Variants in FBXO11 observed in about 807,000 individuals in gnomAD.
FBXO11 encodes F-box protein 11, also known as F-box only protein 11.
FBXO11 carries 13 observed loss-of-function variants against 117.0 expected under a neutral mutation model. The ratio of observed to expected loss-of-function variants is 0.11; its 90% CI spans 0.07 to 0.18. The LOEUF (loss-of-function observed/expected upper bound fraction) is 0.18, where lower values mean the gene tolerates loss of function less well. Among genes scored for constraint, FBXO11 ranks in the 10% least tolerant of loss-of-function variants. The pLI is 1.00. For synonymous variants in FBXO11, 490 were observed against 380.5 expected (o/e 1.29, Z -3.35); for missense variants, 767 against 1,164.4 (o/e 0.66, Z 4.97).
chr2:47,901,853 A>T (rs1287785554), intron 1 of FBXO11, among the ~76,000 whole-genome samples: 1 of 152,220 alleles, frequency 6.6e-6, no homozygotes, highest in Non-Finnish European at 1.5e-5. Flanking sequence ...GAATTTTAAA[A>T]CAAAACAAAT....
chr2:47,883,556 A>G (rs1676590945), intron 1 of FBXO11: 7 of 361,358 alleles, frequency 1.9e-5, no homozygotes, highest in South Asian at 1.7e-4. Context: ...AGGATAAGGA[A>G]GAAATTCGTC....
chr2:47,897,849 C>G (rs1347151509), intron 1 of FBXO11, among the ~76,000 whole-genome samples: 1 of 151,488 alleles, frequency 6.6e-6, no homozygotes, highest in African/African-American at 2.4e-5. Flanking sequence ...AGAAAAATAA[C>G]TAAAAGTACA....
At chr2:47,856,177 G>A (rs778496857) in intron 1 of FBXO11, among the ~76,000 whole-genome samples, 1 of 151,992 alleles carries the variant, frequency 6.6e-6, no homozygotes, top group Admixed American at 6.6e-5. Context: ...TACAACAAAG[G>A]ACACAGTGAT....
At chr2:47,833,259 T>C (rs1359679827) in intron 7 of FBXO11, among the ~76,000 whole-genome samples, 189 bp from the exon 8 acceptor site, 2 of 152,202 alleles carry the variant, frequency 1.3e-5, no homozygotes, top group Admixed American at 1.3e-4. Context: ...TCTAATAACA[T>C]TTAACTATAA....
At chr2:47,846,953 G>T (rs1028491383) in intron 1 of FBXO11, among the ~76,000 whole-genome samples, 2 of 152,074 alleles carry the variant, frequency 1.3e-5, no homozygotes, top group Non-Finnish European at 2.9e-5. Context: ...ACAAGAATAC[G>T]TTCTGAGAAG....
At chr2:47,846,530 G>C (rs567034686) in intron 1 of FBXO11, among the ~76,000 whole-genome samples, 2 of 152,126 alleles carry the variant, frequency 1.3e-5, no homozygotes, top group East Asian at 1.9e-4. Context: ...TTATGCCAAT[G>C]ATTGTCAAGT....
chr2:47,809,517 AAGGAATC>A lies in FBXO11; in HGVS notation c.2446+76_2446+82del. ...CTGTTGCTAACTTGGAGAGTGACAT[AAGGAATC>A]AAGTTATAAAACGGCTTCTGATTAT... On this transcript the variant is annotated intron_variant, in intron 20 of 22. Transcript: ENST00000403359. The A allele has an allele frequency of 3.0e-6, 3 of 984,184 alleles. No homozygotes were observed. The East Asian group carries it at 7.2e-5, about 24-fold the overall frequency. 61.0% of individuals were successfully genotyped at this position (984,184 alleles called of 1,614,324 possible).
chr2:47,904,721 G>A (rs962328725), intron 1 of FBXO11, among the ~76,000 whole-genome samples: 1 of 152,144 alleles, frequency 6.6e-6, no homozygotes, highest in East Asian at 1.9e-4. Context: ...GGGAGGACAG[G>A]CGAGGGGGTG....
intron 14 of FBXO11, among the ~76,000 whole-genome samples, 167 bp downstream of exon 14, chr2:47,820,195 G>A (rs1424008778): frequency 1.3e-5 from 2 of 152,150 alleles, no homozygotes; most frequent in Non-Finnish European, 2.9e-5. Flanking sequence ...AAATCATTAA[G>A]ATACTGGCAG....
chr2:47,835,385 G>T (rs1338790329), intron 5 of FBXO11, among the ~76,000 whole-genome samples: 1 of 152,162 alleles, frequency 6.6e-6, no homozygotes, highest in Non-Finnish European at 1.5e-5. Flanking sequence ...AATCACAACT[G>T]CTCTTAGGCT....
chr2:47,821,732 G>A (rs1020762583), intron 13 of FBXO11, among the ~76,000 whole-genome samples: 7 of 152,082 alleles, frequency 4.6e-5, no homozygotes, highest in African/African-American at 1.7e-4. Context: ...TTGCTGTGAG[G>A]TGAGATTGTG....
At position 47,855,307 on chromosome 2, in the gene FBXO11, C is replaced by G. The variant is rs1034835334; in HGVS notation, c.233-15538G>C. On this transcript the variant is annotated intron_variant, in intron 1 of 22. Transcript: ENST00000403359. ...CCTCGACTTCTGGAGCTCAAGTGAT[C>G]CTCCCACACCTCAGCCTCCTTAAGT... Among the ~76,000 whole-genome samples, 24 of 151,798 alleles carry G rather than the reference C, an allele frequency of 1.6e-4. 1 individual carries two copies. Among genetic ancestry groups the G allele is most frequent in the South Asian group, 2.1e-4 (1 of 4,818 alleles).
At position 47,889,123 on chromosome 2, in the gene FBXO11, CCATAA is replaced by C. The variant is rs902798660; in HGVS notation, c.232+16361_232+16365del. Among the ~76,000 whole-genome samples the C allele has an allele frequency of 2.8e-4, 43 of 152,088 alleles. 1 individual carries two copies. The highest frequency in any genetic ancestry group is 8.0e-4 in the African/African-American group (33 of 41,424). ...AGTATTTTTTTATAAGTTACAGTTT[CCATAA>C]CATAACTTTCTAAAATCTCCCCCAA... On this transcript the variant is annotated intron_variant, in intron 1 of 22. Coordinates refer to ENST00000403359, the MANE Select transcript of FBXO11 (RefSeq NM_001190274.2).
chr2:47,831,343 A>T (rs1209456391), intron 11 of FBXO11, among the ~76,000 whole-genome samples: 1 of 144,726 alleles, frequency 6.9e-6, no homozygotes, highest in Non-Finnish European at 1.5e-5. Flanking sequence ...TTGAACCAGG[A>T]GGTGGAGGTT....
chr2:47,832,796 G>C lies in FBXO11; in HGVS notation c.1126C>G (p.His376Asp). The C allele has an allele frequency of 1.2e-6, 2 of 1,613,494 alleles. No individual in the cohort carries two copies. Among genetic ancestry groups the C allele is most frequent in the Non-Finnish European group, 1.7e-6 (2 of 1,179,464 alleles). ...GTACATGTACTTCGGATGATACAGT[G>C]ATCAATAATAGGGCTACAATTTACT... ...ITVNCSPIID[H>D]CIIRSTCTVG... Residue 376 changes from histidine to aspartate, a missense_variant, in exon 9 of 23, where the codon CAC (histidine) becomes GAC (aspartate). This residue lies in a region of FBXO11 where 123 missense variants were observed against 145.0 expected (regional missense o/e 0.85). Transcript: ENST00000403359.
intron 16 of FBXO11, among the ~76,000 whole-genome samples, chr2:47,817,144 T>C (rs1558408147): frequency 6.6e-6 from 1 of 152,250 alleles, no homozygotes; most frequent in African/African-American, 2.4e-5. Context: ...TTTCTGTAGC[T>C]TCTATCTCAG....
At chr2:47,839,901 G>A (rs1437187311) in intron 1 of FBXO11, 132 bp from the exon 2 acceptor site, 2 of 690,066 alleles carry the variant, frequency 2.9e-6, no homozygotes, top group Non-Finnish European at 4.6e-6. Flanking sequence ...CCAACCAACT[G>A]GATAGCTATA....
At chr2:47,849,524 T>A (rs752378408) in intron 1 of FBXO11, among the ~76,000 whole-genome samples, 1 of 152,242 alleles carries the variant, frequency 6.6e-6, no homozygotes, top group Non-Finnish European at 1.5e-5. Context: ...GTGCTAGGTA[T>A]TGGTGACACA....
intron 1 of FBXO11, among the ~76,000 whole-genome samples, chr2:47,871,485 GCATT>G (rs1392837712): frequency 2.6e-5 from 4 of 152,084 alleles, no homozygotes; most frequent in African/African-American, 9.7e-5. Context: ...ACAACTAAAT[GCATT>G]CATTCAGTTT....
Sources: allele counts gnomAD v4.1 joint callset (sites outside exome capture counted in the v4.1 genomes callset), GRCh38; gene constraint gnomAD v4.1.1; regional missense constraint gnomAD v4.1.1; transcripts MANE v1.5; gene names NCBI Gene and HGNC (gene_info 2026-07-23, HGNC 2026-07-21).